Variants in AASDH observed in about 807,000 individuals in gnomAD.
AASDH encodes beta-alanine-activating enzyme.
AASDH carries 81 observed loss-of-function variants against 102.3 expected under a neutral mutation model. The ratio of observed to expected loss-of-function variants is 0.79; its 90% CI spans 0.66 to 0.95. The LOEUF is 0.95. Among genes scored for constraint, AASDH ranks in the 40% least tolerant of loss-of-function variants. The pLI, the probability that AASDH is intolerant of heterozygous loss-of-function variation, is 0.00. For synonymous variants in AASDH, 398 were observed against 454.0 expected, an observed-to-expected ratio of 0.88 and a Z score of 1.57; for missense variants, 1,203 against 1,266.2, an observed-to-expected ratio of 0.95 and a Z score of 0.76.
At chr4:56,342,455 TTTTA>T (rs1246057971) in intron 14 of AASDH, among the ~76,000 whole-genome samples, 4 of 149,824 alleles carry the variant, frequency 2.7e-5, no homozygotes, top group Non-Finnish European at 4.4e-5. Flanking sequence ...AATCCAGGGG[TTTTA>T]TTTAAACTTT....
intron 5 of AASDH, chr4:56,357,046 TGA>T (rs1749723780): frequency 3.0e-6 from 1 of 332,000 alleles, no homozygotes; most frequent in Non-Finnish European, 5.6e-6. Flanking sequence ...AAAGCTTTAT[TGA>T]GATATAACTG....
intron 5 of AASDH, among the ~76,000 whole-genome samples, chr4:56,369,663 A>G (rs1426947927): frequency 6.6e-6 from 1 of 152,194 alleles, no homozygotes; most frequent in Non-Finnish European, 1.5e-5. Context: ...GTGGTGGCTC[A>G]CACCTGAAAT....
At chr4:56,339,193 G>A (rs775091195) in intron 14 of AASDH, among the ~76,000 whole-genome samples, 30 of 150,344 alleles carry the variant, frequency 2.0e-4, no homozygotes, top group Admixed American at 4.7e-4. Flanking sequence ...TTGCTCTGTC[G>A]CCCAGGCTGG....
intron 3 of AASDH, among the ~76,000 whole-genome samples, chr4:56,379,729 A>G (rs1752759595): frequency 6.6e-6 from 1 of 152,220 alleles, no homozygotes; most frequent in Admixed American, 6.5e-5. Context: ...AGATTGCTTC[A>G]TGGGTAATAT....
chr4:56,382,485 G>T lies in AASDH; in HGVS notation c.343C>A (p.Gln115Lys). 5 of 1,562,588 alleles carry T rather than the reference G, an allele frequency of 3.2e-6. No individual in the cohort carries two copies. Among genetic ancestry groups the T allele is most frequent in the South Asian group, 2.3e-5 (2 of 87,286 alleles). Residue 115 changes from glutamine (Q) to lysine (K), a missense_variant, in exon 3 of 15, where the codon CAA becomes AAA. Transcript: ENST00000205214. ...GAAACATCCAGACTTACATTAATTT[G>T]TTTTTTTTCAACAAGGATATACTTT... The part of the protein sequence containing the change: ...NLKYILVEKK[Q>K]INKFKSFHET...
Position 56,378,481 on chromosome 4 carries a change from A to G in AASDH, c.352-17T>C, listed in dbSNP as rs1389886049. On this transcript the variant is annotated splice_polypyrimidine_tract_variant and intron_variant, in intron 3 of 14. Coordinates refer to ENST00000205214, the MANE Select transcript of AASDH (RefSeq NM_181806.4). ...TTTAAATTTCTGTGTGAAATGGGGG[A>G]CAAAGTTTACAGTATTAGTATGTTA... is the stretch of plus-strand genomic sequence containing the variant. 1 of 1,548,108 alleles carries G rather than the reference A, an allele frequency of 6.5e-7. No individual in the cohort carries two copies. Among genetic ancestry groups the G allele is most frequent in the African/African-American group, 1.4e-5 (1 of 72,342 alleles).
At chr4:56,368,783 T>C (rs1210257507) in intron 5 of AASDH, among the ~76,000 whole-genome samples, 1 of 148,592 alleles carries the variant, frequency 6.7e-6, no homozygotes, top group Non-Finnish European at 1.5e-5. Context: ...GATGAGTTGA[T>C]GGGTGCAGCA....
intron 3 of AASDH, among the ~76,000 whole-genome samples, chr4:56,380,197 C>G (rs1300084900): frequency 1.3e-5 from 2 of 152,090 alleles, no homozygotes; most frequent in African/African-American, 2.4e-5. Context: ...TAGAGTGAGT[C>G]TAAGAAAATT....
At chr4:56,351,057 G>T (rs76873627) in intron 10 of AASDH, among the ~76,000 whole-genome samples, 3 of 152,082 alleles carry the variant, frequency 2.0e-5, no homozygotes, top group Admixed American at 1.3e-4. Flanking sequence ...ACATTCCACC[G>T]ATCCTCTTAG....
At chr4:56,361,924 A>C (rs1750349077) in intron 5 of AASDH, among the ~76,000 whole-genome samples, 1 of 152,208 alleles carries the variant, frequency 6.6e-6, no homozygotes, top group African/African-American at 2.4e-5. Context: ...GTGAGCTGTG[A>C]GGGCGCCACT....
At chr4:56,348,166 A>G (rs1748542371) in intron 11 of AASDH, among the ~76,000 whole-genome samples, 1 of 152,064 alleles carries the variant, frequency 6.6e-6, no homozygotes, top group African/African-American at 2.4e-5. Context: ...AAAGAAAAAA[A>G]AAAAAAGTAC....
In AASDH at chr4:56,351,411, T is replaced by A; in HGVS notation, c.1623A>T (p.Ile541=). Residue 541 remains isoleucine (I), a synonymous_variant, in exon 10 of 15, where the codon ATA becomes ATT. Transcript: ENST00000205214. The stretch of plus-strand genomic sequence containing the variant: ...TGAGCTTATTCTCAGACTTCAAGTT[T>A]ATGTAGTTTAAATATATCTTGTTTA... The part of the protein sequence containing the change: ...SELNKIYLNY[I]NLKSENKLSG... The A allele has an allele frequency of 6.2e-7, 1 of 1,603,918 alleles. No individual in the cohort carries two copies. The highest frequency in any genetic ancestry group is 8.5e-7 in the Non-Finnish European group (1 of 1,173,036).
rs763093267 is a variant in AASDH, at chr4:56,338,685, T to C, written c.3014A>G (p.Asn1005Ser). The C allele has an allele frequency of 6.2e-6, 10 of 1,614,184 alleles. No individual in the cohort carries two copies. The highest frequency in any genetic ancestry group is 7.6e-6 in the Non-Finnish European group (9 of 1,180,020). ...TTTCCACTGCAGGTGACCTTTCATG[T>C]TACAACAGTAGATAAAGCAATCATG... is the stretch of plus-strand genomic sequence containing the variant. ...GSHDCFIYCC[N>S]MKGHLQWKFE... The change falls in exon 15 of 15, where the codon AAC becomes AGC. Residue 1005 changes from asparagine (N) to serine (S), a missense_variant. Transcript: ENST00000205214.
At chr4:56,385,488 T>TA (rs531776876) in intron 1 of AASDH, among the ~76,000 whole-genome samples, 1 of 152,104 alleles carries the variant, frequency 6.6e-6, no homozygotes, top group African/African-American at 2.4e-5. Flanking sequence ...GGATCAACGG[T>TA]AAAAAAAATT....
At chr4:56,363,225 G>T (rs994683645) in intron 5 of AASDH, among the ~76,000 whole-genome samples, 1 of 152,220 alleles carries the variant, frequency 6.6e-6, no homozygotes, top group African/African-American at 2.4e-5. Context: ...AAGCAGCCAG[G>T]AAGCTCAAAC....
rs773324352 is a variant in AASDH, at chr4:56,382,590, G to A, written c.238C>T (p.Gln80Ter). Reference protein sequence around the residue: ...DLPSWILGILQVPAAYVPIEP... With the variant: ...DLPSWILGIL ...ATAGGTACATAAGCAGCCGGGACTT[G>A]GAGAATTCTAAAGAAAAAAGTACAC... Residue 80 changes from glutamine (Q) to a stop codon, truncating the protein, a stop_gained, in exon 3 of 15, where the codon CAA becomes TAA. Transcript: ENST00000205214. LOFTEE classifies it high-confidence loss of function. The A allele has an allele frequency of 1.2e-6, 2 of 1,605,626 alleles. No homozygotes were observed. The highest frequency in any genetic ancestry group is 1.7e-6 in the Non-Finnish European group (2 of 1,177,742).
chr4:56,359,621 C>T lies in AASDH; in HGVS notation c.862-4198G>A, dbSNP rs566203388. Among the ~76,000 whole-genome samples, 37 of 149,992 alleles carry T rather than the reference C, an allele frequency of 2.5e-4. No individual in the cohort carries two copies. In the South Asian group the frequency reaches 4.0e-3, roughly 16 times the overall value. On this transcript the variant is annotated intron_variant, in intron 5 of 14. Transcript: ENST00000205214. ...TCTCCCAGCCTGGAGTGCAGTGGCACAATCTTGGCTCACTGCAATCGCCAC... is the reference window on the plus strand; with the variant it reads ...TCTCCCAGCCTGGAGTGCAGTGGCATAATCTTGGCTCACTGCAATCGCCAC...
At chr4:56,372,168 C>A (rs1429020441) in intron 4 of AASDH, among the ~76,000 whole-genome samples, 1 of 152,156 alleles carries the variant, frequency 6.6e-6, no homozygotes, top group African/African-American at 2.4e-5. Context: ...GATGAAGAGG[C>A]CCAAACAGCA....
chr4:56,362,772 G>A (rs758380765), intron 5 of AASDH, among the ~76,000 whole-genome samples: 6 of 152,234 alleles, frequency 3.9e-5, no homozygotes, highest in South Asian at 2.1e-4. Flanking sequence ...CAAGATGGCC[G>A]AATAGGAGCA....
Sources: allele counts gnomAD v4.1 joint callset (sites outside exome capture counted in the v4.1 genomes callset), GRCh38; gene constraint gnomAD v4.1.1; transcripts MANE v1.5; gene names NCBI Gene and HGNC (gene_info 2026-07-23, HGNC 2026-07-21).